FHIT: variants seen among roughly 807,000 people sequenced by gnomAD.
FHIT encodes the protein fragile histidine triad diadenosine triphosphatase, also known as bis(5'-adenosyl)-triphosphatase.
FHIT carries 19 observed loss-of-function variants against 17.9 expected under a neutral mutation model. That is an observed-to-expected ratio of 1.06 (90% confidence interval 0.74 to 1.56). FHIT has a LOEUF of 1.56. Among genes scored for constraint, FHIT ranks in the 40% most tolerant of loss-of-function variants. The pLI is 0.00. For missense variants in FHIT, 248 were observed against 189.2 expected, an observed-to-expected ratio of 1.31 and a Z score of -1.82; for synonymous variants, 81 against 69.7, an observed-to-expected ratio of 1.16 and a Z score of -0.81.
intron 3 of FHIT, among the ~76,000 whole-genome samples, chr3:60,979,569 C>T (rs1034473907): frequency 1.3e-5 from 2 of 152,162 alleles, no homozygotes; most frequent in African/African-American, 4.8e-5. Context: ...ACAGGGCTGG[C>T]AGCGGATGGG....
chr3:60,470,298 G>A (rs917975685), intron 5 of FHIT, among the ~76,000 whole-genome samples: 4 of 152,092 alleles, frequency 2.6e-5, no homozygotes, highest in Admixed American at 2.6e-4. Flanking sequence ...TCCCTTCAGG[G>A]CAGTAAGTTC....
At chr3:60,534,660 T>C (rs2035917892) in intron 5 of FHIT, among the ~76,000 whole-genome samples, 2 of 152,102 alleles carry the variant, frequency 1.3e-5, no homozygotes, top group Admixed American at 6.5e-5. Flanking sequence ...GTTCTTATAA[T>C]CAGAGAGGGT....
chr3:60,669,695 C>G (rs773186725), intron 4 of FHIT, among the ~76,000 whole-genome samples: 1 of 152,166 alleles, frequency 6.6e-6, no homozygotes, highest in East Asian at 1.9e-4. Flanking sequence ...ATAGACCTCA[C>G]GAAAACATCA....
At chr3:60,815,286 G>A (rs1444023803) in intron 4 of FHIT, among the ~76,000 whole-genome samples, 1 of 152,044 alleles carries the variant, frequency 6.6e-6, no homozygotes, top group African/African-American at 2.4e-5. Context: ...AATTGCTTTT[G>A]AGGACTTAGT....
At chr3:60,406,113 A>G (rs752954520) in intron 5 of FHIT, among the ~76,000 whole-genome samples, 1 of 152,240 alleles carries the variant, frequency 6.6e-6, no homozygotes, top group East Asian at 1.9e-4. Context: ...TATGCTAAAC[A>G]TCTTTTAAAA....
chr3:60,968,328 T>A (rs917475550), intron 3 of FHIT, among the ~76,000 whole-genome samples: 1 of 152,118 alleles, frequency 6.6e-6, no homozygotes, highest in South Asian at 2.1e-4. Flanking sequence ...TCTAATATAA[T>A]GATGAATAAA....
chr3:60,409,333 A>G (rs1701983960), intron 5 of FHIT, among the ~76,000 whole-genome samples: 1 of 152,208 alleles, frequency 6.6e-6, no homozygotes, highest in Non-Finnish European at 1.5e-5. Flanking sequence ...AAGAAAGAAA[A>G]GGTCTAAAGA....
rs898642894 is a variant in FHIT, at chr3:59,984,386, A to T, written c.279+26985T>A. On this transcript the variant is annotated intron_variant, in intron 7 of 9. Transcript: ENST00000492590. ...TTAGTGCTTCAAGCAATTGGGGCTC[A>T]AATCCACTGGGGGGGGCTCTGGAAG... Among the ~76,000 whole-genome samples the T allele has an allele frequency of 4.5e-5, 6 of 134,510 alleles. No homozygotes were observed. The Admixed American group carries it at 5.0e-4, about 11-fold the overall frequency. The allele number at this position is 134,510 out of a possible 152,430, so 88.2% of individuals were successfully genotyped here.
intron 8 of FHIT, among the ~76,000 whole-genome samples, chr3:59,842,749 A>T (rs1329259454): frequency 6.6e-6 from 1 of 152,030 alleles, no homozygotes; most frequent in African/African-American, 2.4e-5. Context: ...GCATTTTTGA[A>T]TCAGTGATTT....
chr3:60,987,918 C>T (rs896944665), intron 3 of FHIT, among the ~76,000 whole-genome samples: 5 of 152,174 alleles, frequency 3.3e-5, no homozygotes, highest in Non-Finnish European at 5.9e-5. Context: ...CTGATTGCAA[C>T]TTAGAATTCA....
At chr3:60,538,082 G>T (rs1413859761) in intron 4 of FHIT, among the ~76,000 whole-genome samples, 1 of 152,102 alleles carries the variant, frequency 6.6e-6, no homozygotes, top group Non-Finnish European at 1.5e-5. Context: ...CAGCCTCTAA[G>T]AGTCTAGGTA....
At position 60,801,664 on chromosome 3, in the gene FHIT, T is replaced by C. The variant is rs538026993; in HGVS notation, c.-18+20255A>G. Reference sequence around the variant, plus strand: ...AGAGAAATGAAAATTAACTTATTAATCTTATGACAGTATTGGGCTCTCTGT... The same window carrying C: ...AGAGAAATGAAAATTAACTTATTAACCTTATGACAGTATTGGGCTCTCTGT... On this transcript the variant is annotated intron_variant, in intron 4 of 9. Coordinates refer to ENST00000492590, the MANE Select transcript of FHIT (RefSeq NM_002012.4). Among the ~76,000 whole-genome samples the C allele has an allele frequency of 2.0e-5, 3 of 152,334 alleles. No individual in the cohort carries two copies. The East Asian group carries it at 5.8e-4, about 29-fold the overall frequency.
chr3:60,242,544 A>G (rs1705185121), intron 5 of FHIT, among the ~76,000 whole-genome samples: 1 of 152,104 alleles, frequency 6.6e-6, no homozygotes, highest in African/African-American at 2.4e-5. Context: ...CTGTAGCTTC[A>G]ACACTTAGAA....
intron 5 of FHIT, among the ~76,000 whole-genome samples, chr3:60,444,352 C>T (rs1476350358): frequency 1.3e-5 from 2 of 152,092 alleles, no homozygotes; most frequent in Non-Finnish European, 2.9e-5. Context: ...GGGTATATAT[C>T]CAAAGGATTA....
chr3:60,904,690 C>G (rs1406790228), intron 3 of FHIT, among the ~76,000 whole-genome samples: 1 of 152,032 alleles, frequency 6.6e-6, no homozygotes, highest in Non-Finnish European at 1.5e-5. Context: ...CCTGTACTTC[C>G]TAGCACTTTG....
intron 5 of FHIT, among the ~76,000 whole-genome samples, chr3:60,354,985 T>C (rs182621642): frequency 1.3e-5 from 2 of 152,212 alleles, no homozygotes; most frequent in African/African-American, 2.4e-5. Context: ...CAATCAGTTA[T>C]CTGTAAACTA....
intron 7 of FHIT, among the ~76,000 whole-genome samples, chr3:59,990,776 T>C (rs1310566354): frequency 8.5e-5 from 13 of 152,186 alleles, no homozygotes; most frequent in Admixed American, 7.9e-4. Flanking sequence ...GTTTAACAAA[T>C]GACACTTAAG....
At chr3:60,046,075 A>T (rs546443874) in intron 5 of FHIT, among the ~76,000 whole-genome samples, 94 of 152,330 alleles carry the variant, frequency 6.2e-4, no homozygotes, top group Non-Finnish European at 1.2e-3. Flanking sequence ...TTTATCCTAT[A>T]TTTCTGCCTA....
At chr3:59,967,067 A>C (rs1209225378) in intron 7 of FHIT, among the ~76,000 whole-genome samples, 1 of 151,940 alleles carries the variant, frequency 6.6e-6, no homozygotes, top group African/African-American at 2.4e-5. Context: ...ACACACACAC[A>C]CACATTAGTC....
Sources: gnomAD v4.1 joint callset for allele counts (sites outside exome capture counted in the v4.1 genomes callset) on GRCh38, gnomAD v4.1.1 for gene constraint, MANE v1.5 for transcripts, NCBI Gene and HGNC (gene_info 2026-07-23, HGNC 2026-07-21) for gene names.